The following SHANK2 variants were observed in gnomAD, a reference collection of about 807,000 sequenced individuals.
SHANK2 encodes the protein SH3 and multiple ankyrin repeat domains 2.
Under a neutral mutation model 133.7 loss-of-function variants are expected in SHANK2, and 43 were observed. The ratio of observed to expected loss-of-function variants is 0.32; its 90% confidence interval spans 0.25 to 0.41. The LOEUF (loss-of-function observed/expected upper bound fraction) is 0.41, where lower values mean the gene tolerates loss of function less well. Among genes scored for constraint, SHANK2 ranks in the 10% least tolerant of loss-of-function variants. The pLI is 1.00. For missense variants in SHANK2, 1,994 were observed against 2,235.8 expected, an observed-to-expected ratio of 0.89 and a Z score of 2.18; for synonymous variants, 1,017 against 952.8, an observed-to-expected ratio of 1.07 and a Z score of -1.24.
At chr11:70,666,627 A>C (rs1401368477) in intron 15 of SHANK2, among the ~76,000 whole-genome samples, 1 of 152,098 alleles carries the variant, frequency 6.6e-6, no homozygotes, top group Non-Finnish European at 1.5e-5. Context: ...GCACCAGCAG[A>C]CCCACTCTCC....
intron 15 of SHANK2, among the ~76,000 whole-genome samples, chr11:70,689,644 A>G (rs1345936849): frequency 2.0e-5 from 3 of 152,260 alleles, no homozygotes; most frequent in Admixed American, 1.3e-4. Flanking sequence ...AAACAGGAAC[A>G]TTGAATAATG....
At chr11:70,510,945 C>T (rs782648834) in intron 17 of SHANK2, among the ~76,000 whole-genome samples, 3 of 152,250 alleles carry the variant, frequency 2.0e-5, no homozygotes, top group Admixed American at 6.5e-5. Context: ...AACCTCCCGT[C>T]GACCATGCTG....
chr11:70,937,559 T>C (rs1950588666), intron 10 of SHANK2, among the ~76,000 whole-genome samples: 1 of 152,224 alleles, frequency 6.6e-6, no homozygotes, highest in Non-Finnish European at 1.5e-5. Flanking sequence ...CCAGAGGGCC[T>C]GGCCTTGGCA....
Position 70,487,391 on chromosome 11 carries a change from T to G in SHANK2, c.2902A>C (p.Ser968Arg), listed in dbSNP as rs1565530387. The G allele has an allele frequency of 1.9e-6, 3 of 1,614,028 alleles. No individual in the cohort carries two copies. The highest frequency in any genetic ancestry group is 1.3e-5 in the African/African-American group (1 of 74,910). Residue 968 changes from serine to arginine, a missense_variant, in exon 25 of 26, where the codon AGT (serine) becomes CGT (arginine). Around this residue, in one of 5 missense-constraint regions of SHANK2, gnomAD observed 488 missense variants for 642.6 expected, o/e 0.76. Transcript: ENST00000601538. The surrounding 1 kb of genome is among the most constrained non-coding windows in gnomAD (Gnocchi z 5.8). Reference sequence around the variant, plus strand: ...TTGGCTTGCGGGCCGGCATTCCGACTGTAGAGGTCTTCAGAGTCCAAGGAG... The same window carrying G: ...TTGGCTTGCGGGCCGGCATTCCGACGGTAGAGGTCTTCAGAGTCCAAGGAG... ...RYSLDSEDLY[S>R]RNAGPQANFR...
chr11:70,607,682 A>ACT (rs2060597520), intron 17 of SHANK2, among the ~76,000 whole-genome samples: 1 of 152,076 alleles, frequency 6.6e-6, no homozygotes, highest in Non-Finnish European at 1.5e-5. Context: ...AACAAGGGCA[A>ACT]CTCCCAACTC....
intron 2 of SHANK2, among the ~76,000 whole-genome samples, chr11:71,174,463 C>T (rs1359000514): frequency 3.3e-5 from 5 of 152,032 alleles, no homozygotes; most frequent in East Asian, 1.9e-4. Flanking sequence ...AGGCGGATCA[C>T]GAGGTCAGGA....
At chr11:70,826,480 G>A (rs1555057232) in intron 11 of SHANK2, 1 of 471,058 alleles carries the variant, frequency 2.1e-6, no homozygotes, top group Non-Finnish European at 4.4e-6. Flanking sequence ...CCTTCTTGGT[G>A]AAGGCATTTA....
intron 17 of SHANK2, among the ~76,000 whole-genome samples, chr11:70,509,119 T>C (rs2059168146): frequency 6.6e-6 from 1 of 152,226 alleles, no homozygotes; most frequent in Non-Finnish European, 1.5e-5. Context: ...AGTCCCTGTC[T>C]GGTTGAAGCT....
Position 71,134,267 on chromosome 11 carries a change from G to A in SHANK2, c.207+12853C>T, listed in dbSNP as rs140199023. On this transcript the variant is annotated intron_variant, in intron 3 of 25. Transcript: ENST00000601538. ...GGCCAGAGCAGGCATCTGGGGAGGG[G>A]AGAGGGGGAAAGGGGAAGTGACTGC... Among the ~76,000 whole-genome samples, 400 of 151,468 alleles carry A rather than the reference G, an allele frequency of 2.6e-3. 4 individuals carry two copies. Among genetic ancestry groups the A allele is most frequent in the African/African-American group, 9.1e-3 (376 of 41,270 alleles).
intron 14 of SHANK2, among the ~76,000 whole-genome samples, chr11:70,719,825 T>C (rs1946037549): frequency 6.6e-6 from 1 of 151,400 alleles, no homozygotes; most frequent in Non-Finnish European, 1.5e-5. Flanking sequence ...TAAAGGTTCC[T>C]GTCCTTGGAG....
chr11:70,469,086 T>A lies in SHANK2; in HGVS notation c.*3783A>T, dbSNP rs1160154935. The A allele has an allele frequency of 6.6e-6, 1 of 152,270 alleles. No homozygotes were observed. Among genetic ancestry groups the A allele is most frequent in the African/African-American group, 2.4e-5 (1 of 41,456 alleles). 9.4% of individuals were successfully genotyped at this position (152,270 alleles called of 1,614,324 possible). A position where few individuals can be genotyped will look rare whatever the true frequency, so the allele number is the denominator to read the frequency against. The stretch of plus-strand genomic sequence containing the variant: ...GGACCCTAAGGGAAGGGTCCGGATC[T>A]GGCTGGCCCTCCGCGGCACCGCTGC... On this transcript the variant is annotated 3_prime_UTR_variant, in exon 26 of 26. Transcript: ENST00000601538.
At position 70,747,880 on chromosome 11, in the gene SHANK2, T is replaced by C. The variant is rs186710941; in HGVS notation, c.1778-49117A>G. On this transcript the variant is annotated intron_variant, in intron 14 of 25. Transcript: ENST00000601538. The stretch of plus-strand genomic sequence containing the variant: ...GTTTGTGTGTGCATACATGCACACA[T>C]GATGTACATATAGCACACACATGAG... Among the ~76,000 whole-genome samples the C allele has an allele frequency of 4.9e-3, 750 of 152,304 alleles. 2 individuals are homozygous for C. Among genetic ancestry groups the C allele is most frequent in the Non-Finnish European group, 7.2e-3 (487 of 68,024 alleles).
At chr11:70,752,533 C>T (rs1258512957) in intron 14 of SHANK2, among the ~76,000 whole-genome samples, 2 of 151,750 alleles carry the variant, frequency 1.3e-5, no homozygotes, top group African/African-American at 2.4e-5. Context: ...GGTGAAAGCC[C>T]GTCTCTACTA....
At chr11:71,157,683 G>T (rs145116473) in intron 2 of SHANK2, among the ~76,000 whole-genome samples, 135 of 152,240 alleles carry the variant, frequency 8.9e-4, no homozygotes, top group African/African-American at 3.2e-3. Flanking sequence ...TTTATGACAG[G>T]TTTCCATTTC....
At chr11:70,797,407 T>A (rs1414651220) in intron 14 of SHANK2, among the ~76,000 whole-genome samples, 10 of 152,180 alleles carry the variant, frequency 6.6e-5, no homozygotes, top group Non-Finnish European at 1.2e-4. Flanking sequence ...CAGGGACTCA[T>A]CAGCAGGGAA....
intron 17 of SHANK2, among the ~76,000 whole-genome samples, chr11:70,511,564 A>T (rs1015033839): frequency 2.0e-5 from 3 of 152,196 alleles, no homozygotes; most frequent in African/African-American, 7.2e-5. Flanking sequence ...GTATGGCTTG[A>T]TCACTTGCCA....
intron 15 of SHANK2, among the ~76,000 whole-genome samples, chr11:70,685,876 A>C (rs1945136862): frequency 6.6e-6 from 1 of 152,110 alleles, no homozygotes; most frequent in South Asian, 2.1e-4. Flanking sequence ...GAGAGGTCTG[A>C]GCACACTGCC....
chr11:70,792,660 A>G (rs1555048313), intron 14 of SHANK2, among the ~76,000 whole-genome samples: 1 of 152,248 alleles, frequency 6.6e-6, no homozygotes, highest in Non-Finnish European at 1.5e-5. Context: ...TAAAAGAGAA[A>G]CAGCTTCCAA....
chr11:70,489,260 G>T (rs2135746376), intron 24 of SHANK2, 68 bp downstream of exon 24: 1 of 1,472,042 alleles, frequency 6.8e-7, no homozygotes, highest in Non-Finnish European at 9.5e-7. Context: ...ACTAATTTAA[G>T]AATACACCTT....
Sources: allele counts gnomAD v4.1 joint callset (sites outside exome capture counted in the v4.1 genomes callset), GRCh38; gene constraint gnomAD v4.1.1; regional missense constraint gnomAD v4.1.1; non-coding constraint Gnocchi (gnomAD v3.1); transcripts MANE v1.5; gene names NCBI Gene and HGNC (gene_info 2026-07-23, HGNC 2026-07-21).